Variants in RTP2 observed in about 807,000 individuals in gnomAD.
RTP2 encodes the protein receptor transporter protein 2.
Under a neutral mutation model 17.9 loss-of-function variants are expected in RTP2, and 12 were observed. The observed-to-expected ratio is 0.67, with a 90% confidence interval of 0.43 to 1.09. The LOEUF (loss-of-function observed/expected upper bound fraction) is 1.09. Ranked by LOEUF, RTP2 falls within the 50% of genes least tolerant of loss-of-function variation. RTP2 has a pLI of 0.00. For synonymous variants in RTP2, 126 were observed against 117.7 expected (o/e 1.07, Z -0.46); for missense variants, 327 against 295.7 (o/e 1.11, Z -0.78).
chr3:187,708,505 C>T, the RTP2 span, among the ~76,000 whole-genome samples: 4 of 152,180 alleles, frequency 2.6e-5, no homozygotes. Context: ...TTGATGGAAG[C>T]TGGTCAGGGG....
At chr3:187,706,619 T>C (rs929810624), upstream of RTP2, among the ~76,000 whole-genome samples, 25 of 152,182 alleles carry the variant, frequency 1.6e-4, no homozygotes, top group African/African-American at 5.3e-4. Flanking sequence ...TCTTTTTTTT[T>C]CTTGGGACAG....
chr3:187,698,352 C>T lies in RTP2; in HGVS notation c.*146G>A, dbSNP rs1579779722. On this transcript the variant is annotated 3_prime_UTR_variant, in exon 2 of 2. Transcript: ENST00000358241. ...TCATTGCCTATCTTCTAATGCAATC[C>T]TCTCATTCCGCAGATGCATTAACTG... is the stretch of plus-strand genomic sequence containing the variant. 9 of 655,028 alleles carry T rather than the reference C, an allele frequency of 1.4e-5. No homozygotes were observed. The East Asian group carries it at 2.5e-4, about 18-fold the overall frequency. 40.6% of individuals were successfully genotyped at this position (655,028 alleles called of 1,614,324 possible).
chr3:187,709,511 C>T, the RTP2 span, among the ~76,000 whole-genome samples: 1 of 152,098 alleles, frequency 6.6e-6, no homozygotes, highest in Admixed American at 6.5e-5. Context: ...TAGTGAAACC[C>T]CATCTCTACT....
chr3:187,702,082 T>C, exon 1 of RTP2: 1 of 1,613,528 alleles, frequency 6.2e-7, no homozygotes, highest in Non-Finnish European at 8.5e-7. Flanking sequence ...CTCCATCTTC[T>C]CATAGAAGAC....
chr3:187,699,108 C>T (rs1390269961), intron 1 of RTP2, 97 bp from the exon 2 acceptor site: 2 of 1,387,384 alleles, frequency 1.4e-6, no homozygotes, highest in Non-Finnish European at 1.9e-6. Flanking sequence ...TGTGCCCGTG[C>T]TTGGAGATGG....
At chr3:187,702,949 G>A (rs887824848), upstream of RTP2, among the ~76,000 whole-genome samples, 1 of 152,034 alleles carries the variant, frequency 6.6e-6, no homozygotes, top group Non-Finnish European at 1.5e-5. Flanking sequence ...CCCATATTCA[G>A]TTCCTGGTCC....
chr3:187,713,570 G>T, the RTP2 span, among the ~76,000 whole-genome samples: 1 of 152,176 alleles, frequency 6.6e-6, no homozygotes, highest in Non-Finnish European at 1.5e-5. Context: ...GCTTCCCATT[G>T]ATTACTTGGT....
At chr3:187,706,618 T>A (rs1273162286), upstream of RTP2, among the ~76,000 whole-genome samples, 2 of 152,200 alleles carry the variant, frequency 1.3e-5, no homozygotes, top group Non-Finnish European at 2.9e-5. Context: ...TTCTTTTTTT[T>A]TCTTGGGACA....
At chr3:187,710,458 T>G in the RTP2 span, among the ~76,000 whole-genome samples, 156 of 150,140 alleles carry the variant, frequency 1.0e-3, no homozygotes, top group African/African-American at 3.2e-3. Context: ...ATATCTATCT[T>G]ATTGGTTCTG....
At chr3:187,708,955 C>T in the RTP2 span, among the ~76,000 whole-genome samples, 2 of 112,346 alleles carry the variant, frequency 1.8e-5, no homozygotes, top group Non-Finnish European at 3.6e-5. Flanking sequence ...TCCCTAGGCC[C>T]AGTTTTTTTT....
the RTP2 span, among the ~76,000 whole-genome samples, chr3:187,709,686 A>G: frequency 6.6e-6 from 1 of 152,182 alleles, no homozygotes; most frequent in Non-Finnish European, 1.5e-5. Flanking sequence ...TTCTGTTTCA[A>G]AATAAATAAA....
chr3:187,710,739 G>A, the RTP2 span, among the ~76,000 whole-genome samples: 1 of 151,990 alleles, frequency 6.6e-6, no homozygotes, highest in African/African-American at 2.4e-5. Flanking sequence ...TGGGATTTCA[G>A]TAAAAGCCTG....
chr3:187,699,676 C>T (rs1027124374), intron 1 of RTP2, among the ~76,000 whole-genome samples: 2 of 151,844 alleles, frequency 1.3e-5, no homozygotes, highest in African/African-American at 2.4e-5. Context: ...CTAGATCCCA[C>T]TCTAGCCCTG....
upstream of RTP2, among the ~76,000 whole-genome samples, chr3:187,705,635 C>T (rs1011462576): frequency 1.3e-5 from 2 of 152,094 alleles, no homozygotes; most frequent in South Asian, 2.1e-4. Flanking sequence ...ATAAATAGAA[C>T]GAATTTTACC....
At chr3:187,701,823 C>A in intron 1 of RTP2, 142 bp downstream of exon 1, 1 of 698,994 alleles carries the variant, frequency 1.4e-6, no homozygotes, top group Non-Finnish European at 2.3e-6. Flanking sequence ...ACTCTCTGAC[C>A]CAGCCGGCTG....
At chr3:187,706,655 T>C (rs1717998756), upstream of RTP2, among the ~76,000 whole-genome samples, 1 of 152,142 alleles carries the variant, frequency 6.6e-6, no homozygotes, top group South Asian at 2.1e-4. Flanking sequence ...CAAGTTGGAG[T>C]GCAATGGCGT....
chr3:187,700,445 G>A (rs1332609603), intron 1 of RTP2, among the ~76,000 whole-genome samples: 3 of 152,230 alleles, frequency 2.0e-5, no homozygotes, highest in Non-Finnish European at 4.4e-5. Context: ...GGAGCCACAA[G>A]TCACCAGCCA....
exon 1 of RTP2, chr3:187,702,339 A>G (rs1427590873): frequency 1.7e-6 from 1 of 582,562 alleles, no homozygotes; most frequent in African/African-American, 1.9e-5. Context: ...GGGAGAAGGG[A>G]AGCCCCAAGG....
upstream of RTP2, among the ~76,000 whole-genome samples, chr3:187,704,055 C>T (rs548169186): frequency 2.0e-5 from 3 of 152,298 alleles, no homozygotes; most frequent in East Asian, 1.9e-4. Context: ...TTTAAGAGCT[C>T]ACAAATGTAT....
Sources: gnomAD v4.1 joint callset for allele counts (sites outside exome capture counted in the v4.1 genomes callset) on GRCh38, gnomAD v4.1.1 for gene constraint, MANE v1.5 for transcripts, NCBI Gene and HGNC (gene_info 2026-07-23, HGNC 2026-07-21) for gene names.